Variants in NAV1 observed in about 807,000 individuals in gnomAD.
The protein encoded by NAV1 is pore membrane and/or filament interacting like protein 3.
A neutral mutation model predicts 175.2 loss-of-function variants in NAV1; 18 were observed. The observed-to-expected ratio is 0.10, with a 90% confidence interval of 0.07 to 0.15. NAV1 has a LOEUF of 0.15. Ranked by LOEUF, NAV1 falls within the 10% of genes least tolerant of loss-of-function variation. NAV1 has a pLI of 1.00. For synonymous variants in NAV1, 897 were observed against 978.7 expected, an observed-to-expected ratio of 0.92 and a Z score of 1.56; for missense variants, 1,731 against 2,436.6, an observed-to-expected ratio of 0.71 and a Z score of 6.10.
rs369139368 is a variant in NAV1 at position 201,772,206 on chromosome 1, G to T, written c.1227-8215G>T. Among the ~76,000 whole-genome samples, 6 of 152,336 alleles carry T rather than the reference G, an allele frequency of 3.9e-5. No homozygotes were observed. In the South Asian group the frequency reaches 1.0e-3, roughly 26 times the overall value. On this transcript the variant is annotated intron_variant, in intron 3 of 29. Transcript: ENST00000367296. ...GATATGTCTGTAGAAACATAAAAGA[G>T]AATGGGATTTTTCTGGCAAGGAGGA...
chr1:201,778,517 C>T (rs932033462), intron 3 of NAV1, among the ~76,000 whole-genome samples: 1 of 152,114 alleles, frequency 6.6e-6, no homozygotes, highest in East Asian at 1.9e-4. Context: ...TCTTTCTCTA[C>T]AAAGTGAGGG....
At chr1:201,546,736 T>C (rs892205528) in intron 1 of NAV1, among the ~76,000 whole-genome samples, 2 of 151,580 alleles carry the variant, frequency 1.3e-5, no homozygotes, top group Non-Finnish European at 2.9e-5. Flanking sequence ...AAACCCCGTC[T>C]CTACTAAAAA....
At chr1:201,630,616 A>T (rs1467598494) in intron 2 of NAV1, among the ~76,000 whole-genome samples, 1 of 152,202 alleles carries the variant, frequency 6.6e-6, no homozygotes, top group Admixed American at 6.5e-5. Context: ...CAGAGCAGCA[A>T]CACTCATTCT....
intron 1 of NAV1, among the ~76,000 whole-genome samples, chr1:201,569,864 G>T (rs951433414): frequency 6.6e-6 from 1 of 152,170 alleles, no homozygotes. Context: ...CAGACATCCA[G>T]CTCTTAGGCT....
chr1:201,799,328 CTA>C (rs923302763), intron 15 of NAV1, among the ~76,000 whole-genome samples: 3 of 152,120 alleles, frequency 2.0e-5, no homozygotes, highest in Non-Finnish European at 2.9e-5. Context: ...GTGCTTTTTG[CTA>C]TGAGTTTTCA....
Position 201,788,104 on chromosome 1 carries a change from C to G in NAV1, c.2996-364C>G, listed in dbSNP as rs1282910307. Among the ~76,000 whole-genome samples the G allele has an allele frequency of 6.6e-6, 1 of 152,132 alleles. No homozygotes were observed. Among genetic ancestry groups the G allele is most frequent in the Non-Finnish European group, 1.5e-5 (1 of 68,016 alleles). ...AGCTGGCAGTTGTGTTTTAGAGAAC[C>G]ACAGCATCTCATTTTCATCAGCACA... is the stretch of plus-strand genomic sequence containing the variant. On this transcript the variant is annotated intron_variant, in intron 9 of 29. Coordinates refer to ENST00000367296, the Ensembl canonical transcript of NAV1. This position sits in a 1 kb window ranked among gnomAD's most constrained non-coding sequence, Gnocchi z 5.7.
chr1:201,748,708 A>C (rs568441668), intron 3 of NAV1, among the ~76,000 whole-genome samples: 9 of 152,326 alleles, frequency 5.9e-5, no homozygotes, highest in African/African-American at 1.9e-4. Context: ...ACCTTGGAAA[A>C]AAATTTACTG....
intron 3 of NAV1, among the ~76,000 whole-genome samples, chr1:201,725,127 C>A (rs1404731621): frequency 6.6e-6 from 1 of 152,198 alleles, no homozygotes; most frequent in Admixed American, 6.5e-5. Context: ...CCTCAAGATA[C>A]CCAACCCAGC....
intron 1 of NAV1, among the ~76,000 whole-genome samples, chr1:201,557,307 G>T (rs775892876): frequency 6.6e-6 from 1 of 152,222 alleles, no homozygotes; most frequent in Non-Finnish European, 1.5e-5. Flanking sequence ...CTGGAAGAAA[G>T]ACAAAGGGTT....
intron 1 of NAV1, among the ~76,000 whole-genome samples, chr1:201,682,639 G>T (rs1050922467): frequency 6.6e-6 from 1 of 151,888 alleles, no homozygotes; most frequent in Non-Finnish European, 1.5e-5. Flanking sequence ...CAGAACCTAC[G>T]TGCTATGAAA....
At chr1:201,554,606 G>C (rs959307010) in intron 1 of NAV1, among the ~76,000 whole-genome samples, 1 of 152,190 alleles carries the variant, frequency 6.6e-6, no homozygotes, top group Non-Finnish European at 1.5e-5. Context: ...GTGGAACATG[G>C]GAGGGACACA....
chr1:201,746,119 T>A (rs1233528258), intron 3 of NAV1, among the ~76,000 whole-genome samples: 5 of 152,166 alleles, frequency 3.3e-5, no homozygotes, highest in African/African-American at 1.2e-4. Context: ...TGAGCCACCA[T>A]GCCTAGTCTT....
intron 3 of NAV1, among the ~76,000 whole-genome samples, chr1:201,757,077 A>G (rs985475072): frequency 2.6e-5 from 4 of 151,952 alleles, no homozygotes; most frequent in Non-Finnish European, 5.9e-5. Flanking sequence ...TAGCCATCCC[A>G]CAGTGTCATA....
At chr1:201,594,994 G>A (rs528047286) in intron 2 of NAV1, among the ~76,000 whole-genome samples, 231 of 152,362 alleles carry the variant, frequency 1.5e-3, no homozygotes, top group African/African-American at 5.2e-3. Flanking sequence ...CTAGCACAGC[G>A]AGGAGGCCGT....
At position 201,694,631 on chromosome 1, in the gene NAV1, G is replaced by A. The variant is rs1671110662; in HGVS notation, c.758-18186G>A. ...TCCCTAAGAATAGGTACATGCTATT[G>A]ACAAAGATGAGAAGTGAACCGGGAG... On this transcript the variant is annotated intron_variant, in intron 1 of 29. Transcript: ENST00000367296. This position sits in a 1 kb window ranked among gnomAD's most constrained non-coding sequence, Gnocchi z 4.2. Among the ~76,000 whole-genome samples, 1 of 152,138 alleles carries A rather than the reference G, an allele frequency of 6.6e-6. No individual in the cohort carries two copies. Among genetic ancestry groups the A allele is most frequent in the Admixed American group, 6.5e-5 (1 of 15,282 alleles).
At chr1:201,739,954 G>C in intron 3 of NAV1, 3 of 1,384,084 alleles carry the variant, frequency 2.2e-6, no homozygotes, top group Non-Finnish European at 2.8e-6. Flanking sequence ...GTGTCCCCGG[G>C]TGTCAGGCGA....
At chr1:201,818,462 A>AGCTTGCAGTGAGCCGAGATCACGCCACT (rs1242512272) in intron 29 of NAV1, among the ~76,000 whole-genome samples, 2 of 150,940 alleles carry the variant, frequency 1.3e-5, no homozygotes, top group Non-Finnish European at 2.9e-5. Flanking sequence ...CGGGAGGTGG[A>AGCTTGCAGTGAGCCGAGATCACGCCACT]GCTTGCAGTG....
At chr1:201,622,681 C>T (rs1668207277), upstream of NAV1, among the ~76,000 whole-genome samples, 1 of 152,140 alleles carries the variant, frequency 6.6e-6, no homozygotes, top group African/African-American at 2.4e-5. Context: ...AAGGGATTTG[C>T]CCAGAGTCCA....
rs16849350 is a variant in NAV1, at chr1:201,786,214, C to T, written c.2847-215C>T. On this transcript the variant is annotated intron_variant, in intron 8 of 29. Coordinates refer to ENST00000367296, the Ensembl canonical transcript of NAV1. ...CAGCTCAGGAACCCTTACGGGAATA[C>T]CTGCTAGTCCTTCCACACCCTCTGG... is the stretch of plus-strand genomic sequence containing the variant. Among the ~76,000 whole-genome samples the T allele has an allele frequency of 9.5e-3, 1,454 of 152,266 alleles. 31 individuals carry two copies. The highest frequency in any genetic ancestry group is 0.031 in the African/African-American group (1,302 of 41,554).
Sources: allele counts gnomAD v4.1 joint callset (sites outside exome capture counted in the v4.1 genomes callset), GRCh38; gene constraint gnomAD v4.1.1; non-coding constraint Gnocchi (gnomAD v3.1); transcripts MANE v1.5; gene names NCBI Gene and HGNC (gene_info 2026-07-23, HGNC 2026-07-21).